The following PALM variants were observed in gnomAD, a reference collection of about 807,000 sequenced individuals.
PALM encodes paralemmin.
In PALM, 18 loss-of-function variants were observed where a neutral mutation model predicts 30.7. That is an observed-to-expected ratio of 0.59 (90% CI 0.41 to 0.87). PALM has a LOEUF of 0.87. PALM is among the 40% of genes least tolerant of loss of function. PALM has a pLI of 0.00. For missense variants in PALM, 529 were observed against 555.4 expected (o/e 0.95, Z 0.48); for synonymous variants, 286 against 242.8 (o/e 1.18, Z -1.66).
intron 1 of PALM, among the ~76,000 whole-genome samples, chr19:713,167 T>A (rs965796242): frequency 7.3e-6 from 1 of 136,630 alleles, no homozygotes; most frequent in African/African-American, 3.0e-5. Context: ...GGGGTTGTGG[T>A]CTTGTGGGGC....
chr19:736,156 G>A lies in PALM; in HGVS notation c.502+78G>A, dbSNP rs986118436. ...AGTCTCGGTCCGGGGGGCCGGGTGGGGCGGGGGCGACACCGACCTGCTCTC... is the reference window on the plus strand; with the variant it reads ...AGTCTCGGTCCGGGGGGCCGGGTGGAGCGGGGGCGACACCGACCTGCTCTC... On this transcript the variant is annotated intron_variant, in intron 7 of 8. Coordinates refer to ENST00000338448, the MANE Select transcript of PALM (RefSeq NM_002579.3). 17 of 1,024,272 alleles carry A rather than the reference G, an allele frequency of 1.7e-5. No homozygotes were observed. In the East Asian group the frequency reaches 4.3e-4, roughly 26 times the overall value. 63.4% of individuals were successfully genotyped at this position (1,024,272 alleles called of 1,614,324 possible).
At chr19:716,828 GT>G (rs2032277470) in intron 1 of PALM, among the ~76,000 whole-genome samples, 1 of 152,116 alleles carries the variant, frequency 6.6e-6, no homozygotes, top group South Asian at 2.1e-4. Flanking sequence ...ACACACGTCT[GT>G]ATGTATATCA....
At chr19:719,392 C>G in intron 1 of PALM, 2 of 985,478 alleles carry the variant, frequency 2.0e-6, no homozygotes, top group Non-Finnish European at 2.4e-6. Flanking sequence ...ACGACGCCCT[C>G]GCCGGGCCCC....
At position 746,242 on chromosome 19, in the gene PALM, C is replaced by T. The variant is rs1488679271; in HGVS notation, c.635-43C>T. On this transcript the variant is annotated intron_variant, in intron 8 of 8. Transcript: ENST00000338448. This position sits in a 1 kb window ranked among gnomAD's most constrained non-coding sequence, Gnocchi z 7.1. ...GAGCCAGGTCACTCTCTCTGTCCCT[C>T]CTGCCTGGAGCTGGGTCATTCTCTC... 5 of 1,564,666 alleles carry T rather than the reference C, an allele frequency of 3.2e-6. No individual in the cohort carries two copies. The highest frequency in any genetic ancestry group is 2.7e-5 in the African/African-American group (2 of 73,518).
At chr19:731,297 C>T (rs756729437) in intron 5 of PALM, 52 bp downstream of exon 5, 3 of 1,497,642 alleles carry the variant, frequency 2.0e-6, no homozygotes, top group Non-Finnish European at 1.8e-6. Context: ...TCCCGCTGGC[C>T]CCAGAGCGAG....
intron 1 of PALM, among the ~76,000 whole-genome samples, chr19:712,550 A>G (rs1172181418): frequency 1.4e-5 from 2 of 148,084 alleles, no homozygotes; most frequent in Non-Finnish European, 3.0e-5. Context: ...CGCCCGGCTA[A>G]TTTTTTGTGT....
At chr19:740,212 C>A in intron 7 of PALM, 140 bp from the exon 8 acceptor site, 1 of 796,454 alleles carries the variant, frequency 1.3e-6, no homozygotes, top group Non-Finnish European at 2.0e-6. Flanking sequence ...CGAGAAGGTG[C>A]CCAGGCATCC....
chr19:727,904 G>T lies in PALM; in HGVS notation c.269+210G>T, dbSNP rs1365145678. 8 of 564,748 alleles carry T rather than the reference G, an allele frequency of 1.4e-5. 1 individual carries two copies. The Admixed American group carries it at 1.6e-4, about 12-fold the overall frequency. 35.0% of individuals were successfully genotyped at this position (564,748 alleles called of 1,614,324 possible). A position where few individuals can be genotyped will look rare whatever the true frequency, so the allele number is the denominator to read the frequency against. On this transcript the variant is annotated intron_variant, in intron 4 of 8. Coordinates refer to ENST00000338448, the MANE Select transcript of PALM (RefSeq NM_002579.3). ...CTGGGTCTGGGGCAGCTTGCTGGGG[G>T]CAGAGGCTGGCTGCGTGGCCTCAGG...
At position 717,303 on chromosome 19, in the gene PALM, C is replaced by G. The variant is rs1156845772; in HGVS notation, c.5+8152C>G. 2.0e-5 allele frequency among the ~76,000 whole-genome samples: 3 copies of G among 152,128 alleles called. No homozygotes were observed. In the East Asian group the frequency reaches 5.8e-4, roughly 29 times the overall value. ...ACAAGCCCTGTCCCCATTAGGCATC[C>G]CCTCCCGTCCCCCTCCCCCCAGCCC... is the stretch of plus-strand genomic sequence containing the variant. On this transcript the variant is annotated intron_variant, in intron 1 of 8. Transcript: ENST00000338448.
chr19:738,888 T>TG (rs889406779), intron 7 of PALM, among the ~76,000 whole-genome samples: 4 of 152,058 alleles, frequency 2.6e-5, no homozygotes, highest in Non-Finnish European at 4.4e-5. Flanking sequence ...TGCAGCTATC[T>TG]GGGGGGTGTG....
At chr19:734,912 AG>A in intron 6 of PALM, 1 of 231,110 alleles carries the variant, frequency 4.3e-6, no homozygotes, top group Non-Finnish European at 7.2e-6. Context: ...TGGCGTCTGA[AG>A]TGCTTCTGGC....
intron 1 of PALM, among the ~76,000 whole-genome samples, chr19:717,650 T>C (rs2032309882): frequency 6.6e-6 from 1 of 151,938 alleles, no homozygotes; most frequent in Non-Finnish European, 1.5e-5. Flanking sequence ...GGGTCCTACT[T>C]TACATAAGTG....
chr19:742,615 A>AG lies in PALM; in HGVS notation c.634+2132_634+2133insG, dbSNP rs1271792497. 6.9e-5 allele frequency among the ~76,000 whole-genome samples: 7 copies of AG among 101,556 alleles called. No homozygotes were observed. Among genetic ancestry groups the AG allele is most frequent in the South Asian group, 3.8e-4 (1 of 2,620 alleles). 66.6% of individuals were successfully genotyped at this position (101,556 alleles called of 152,430 possible). On this transcript the variant is annotated intron_variant, in intron 8 of 8. Transcript: ENST00000338448. This position sits in a 1 kb window ranked among gnomAD's most constrained non-coding sequence, Gnocchi z 5.5. ...AGTGAAACTCTGTCTCAAAAAAAAA[A>AG]AAAAGAAAGAAAAGAGAATAAATGG...
At position 731,090 on chromosome 19, in the gene PALM, C is replaced by T; in HGVS notation, c.270-5C>T. On this transcript the variant is annotated splice_region_variant and splice_polypyrimidine_tract_variant and intron_variant, in intron 4 of 8. Coordinates refer to ENST00000338448, the MANE Select transcript of PALM (RefSeq NM_002579.3). The stretch of plus-strand genomic sequence containing the variant: ...GTCACCCTCACAGGCACACCCTCTC[C>T]CCAGGTTGGAGAAGGAAATTGAGGT... The T allele has an allele frequency of 6.3e-7, 1 of 1,576,462 alleles. No homozygotes were observed. The highest frequency in any genetic ancestry group is 2.3e-5 in the East Asian group (1 of 43,896).
intron 1 of PALM, among the ~76,000 whole-genome samples, chr19:720,821 G>C (rs1460699143): frequency 6.6e-6 from 1 of 152,196 alleles, no homozygotes; most frequent in Admixed American, 6.5e-5. Context: ...CTGTCCCCGG[G>C]TCCGGTCTGA....
intron 3 of PALM, 61 bp from the exon 4 acceptor site, chr19:727,503 T>C: frequency 1.4e-6 from 2 of 1,390,426 alleles, no homozygotes; most frequent in Non-Finnish European, 2.0e-6. Flanking sequence ...GACCTCAGTC[T>C]TAAGTCTTAA....
intron 1 of PALM, among the ~76,000 whole-genome samples, chr19:722,064 A>G (rs139727776): frequency 0.13 from 20,324 of 151,696 alleles, 2,238 homozygotes; most frequent in African/African-American, 0.29. Flanking sequence ...GACTACAGGC[A>G]CCCGCCACCA....
intron 1 of PALM, among the ~76,000 whole-genome samples, chr19:711,620 T>G (rs1474762016): frequency 6.6e-6 from 1 of 152,236 alleles, no homozygotes; most frequent in Non-Finnish European, 1.5e-5. Context: ...TTACTTCCGT[T>G]GTATCTGTTT....
chr19:726,580 A>G (rs1446442163), intron 2 of PALM, among the ~76,000 whole-genome samples: 1 of 151,962 alleles, frequency 6.6e-6, no homozygotes, highest in Non-Finnish European at 1.5e-5. Flanking sequence ...CCCTCCTGTG[A>G]CGTGGCCCGA....
Sources: gnomAD v4.1 joint callset for allele counts (sites outside exome capture counted in the v4.1 genomes callset) on GRCh38, gnomAD v4.1.1 for gene constraint, Gnocchi (gnomAD v3.1) non-coding constraint, MANE v1.5 for transcripts, NCBI Gene and HGNC (gene_info 2026-07-23, HGNC 2026-07-21) for gene names.